The following RANBP2 variants were observed in gnomAD, a reference collection of about 807,000 sequenced individuals.
RANBP2 encodes RAN binding protein 2, also known as E3 SUMO-protein ligase RanBP2.
A neutral mutation model predicts 303.6 loss-of-function variants in RANBP2; 57 were observed. The observed-to-expected ratio is 0.19, with a 90% confidence interval of 0.15 to 0.23. The LOEUF is 0.23. Among genes scored for constraint, RANBP2 ranks in the 10% least tolerant of loss-of-function variants. The probability of loss-of-function intolerance (pLI) is 1.00; values close to 1 mark genes in which losing one functional copy is unlikely to be tolerated. For missense variants in RANBP2, 3,138 were observed against 3,780.8 expected, an observed-to-expected ratio of 0.83 and a Z score of 4.46; for synonymous variants, 1,167 against 1,301.5, an observed-to-expected ratio of 0.90 and a Z score of 2.23.
the RANBP2 span, among the ~76,000 whole-genome samples, chr2:109,486,485 T>C: frequency 6.6e-6 from 1 of 152,226 alleles, no homozygotes; most frequent in East Asian, 1.9e-4. Context: ...TCGTAAACTA[T>C]TTAATATTCA....
chr2:108,980,067 G>A, the RANBP2 span, among the ~76,000 whole-genome samples: 3 of 112,482 alleles, frequency 2.7e-5, no homozygotes, highest in African/African-American at 1.0e-4. Flanking sequence ...TTAACAGATC[G>A]CCCATCGTCA....
the RANBP2 span, among the ~76,000 whole-genome samples, chr2:109,111,089 A>G: frequency 1.3e-5 from 2 of 152,198 alleles, no homozygotes; most frequent in Admixed American, 1.3e-4. Flanking sequence ...ATGATCATCC[A>G]GTTACCTCTT....
chr2:109,131,292 A>C, the RANBP2 span, among the ~76,000 whole-genome samples: 1 of 152,038 alleles, frequency 6.6e-6, no homozygotes. Flanking sequence ...ACAGTCAAGG[A>C]TAGTCACTGG....
chr2:109,377,885 G>A, the RANBP2 span, among the ~76,000 whole-genome samples: 1 of 152,212 alleles, frequency 6.6e-6, no homozygotes, highest in African/African-American at 2.4e-5. Context: ...GTATGCTCTT[G>A]AGACGTTTGG....
the RANBP2 span, among the ~76,000 whole-genome samples, chr2:109,731,515 C>G: frequency 3.0e-4 from 45 of 152,190 alleles, no homozygotes; most frequent in Admixed American, 2.6e-4. Flanking sequence ...TTGCCTCAGC[C>G]TCCAGAGTAG....
chr2:109,575,217 G>A, the RANBP2 span, among the ~76,000 whole-genome samples: 2 of 152,284 alleles, frequency 1.3e-5, no homozygotes, highest in South Asian at 2.1e-4. Flanking sequence ...CAGACTGCTC[G>A]AAGGGGCTGG....
At chr2:109,082,426 G>A in the RANBP2 span, among the ~76,000 whole-genome samples, 1,120 of 151,700 alleles carry the variant, frequency 7.4e-3, 17 homozygotes, top group African/African-American at 0.026. Context: ...TCAGCCTCCC[G>A]AGTAGCTGGG....
At chr2:109,724,244 T>C in the RANBP2 span, among the ~76,000 whole-genome samples, 1 of 152,222 alleles carries the variant, frequency 6.6e-6, no homozygotes, top group East Asian at 1.9e-4. Context: ...TTGTCTTGGC[T>C]TCTCAGGCTC....
chr2:109,550,317 T>G, the RANBP2 span, among the ~76,000 whole-genome samples: 2 of 151,388 alleles, frequency 1.3e-5, no homozygotes, highest in African/African-American at 2.4e-5. Flanking sequence ...GTATCTTTTT[T>G]TTTTTTGTTT....
At chr2:109,747,743 CAA>C in the RANBP2 span, among the ~76,000 whole-genome samples, 14 of 113,864 alleles carry the variant, frequency 1.2e-4, no homozygotes, top group East Asian at 3.3e-4. Context: ...AACCCTGTCT[CAA>C]AAAAAAAAAA....
At chr2:109,667,925 A>G in the RANBP2 span, 1 of 195,662 alleles carries the variant, frequency 5.1e-6, no homozygotes, top group South Asian at 1.3e-4. Context: ...ACCTCAGAAG[A>G]AGCTCTTCTG....
At chr2:109,599,087 T>C in the RANBP2 span, among the ~76,000 whole-genome samples, 2 of 152,024 alleles carry the variant, frequency 1.3e-5, no homozygotes, top group Non-Finnish European at 2.9e-5. Context: ...TTAAAACAAG[T>C]AGTAACATTC....
the RANBP2 span, chr2:108,930,832 T>C: frequency 9.7e-7 from 1 of 1,030,754 alleles, no homozygotes; most frequent in Admixed American, 1.8e-5. Context: ...TGGTTTCATT[T>C]CACCCTCAGA....
chr2:109,676,528 A>C, the RANBP2 span, among the ~76,000 whole-genome samples: 1 of 152,148 alleles, frequency 6.6e-6, no homozygotes, highest in Non-Finnish European at 1.5e-5. Flanking sequence ...CTTTGCCTGC[A>C]CCCTGAGATG....
the RANBP2 span, among the ~76,000 whole-genome samples, chr2:109,319,932 G>A: frequency 6.6e-6 from 1 of 152,232 alleles, no homozygotes; most frequent in Non-Finnish European, 1.5e-5. Context: ...CCTTGCAGGG[G>A]CAAGGTGAAC....
At chr2:109,282,599 G>C in the RANBP2 span, among the ~76,000 whole-genome samples, 2 of 152,324 alleles carry the variant, frequency 1.3e-5, no homozygotes, top group East Asian at 3.9e-4. Context: ...GGCGCACAGA[G>C]CCAATGCACG....
the RANBP2 span, among the ~76,000 whole-genome samples, chr2:108,798,034 A>C: frequency 6.6e-6 from 1 of 151,172 alleles, no homozygotes; most frequent in Non-Finnish European, 1.5e-5. Context: ...CAGTGTGCTA[A>C]TCTAGACCTC....
chr2:109,047,583 T>A, the RANBP2 span, among the ~76,000 whole-genome samples: 1 of 152,030 alleles, frequency 6.6e-6, no homozygotes, highest in Non-Finnish European at 1.5e-5. Context: ...CAAAGGTGGG[T>A]GGATCACTTG....
chr2:109,272,859 C>T, the RANBP2 span, among the ~76,000 whole-genome samples: 15 of 152,188 alleles, frequency 9.9e-5, no homozygotes, highest in African/African-American at 2.2e-4. Context: ...GGTGTTCTGT[C>T]GGCAAACGTT....
Sources: gnomAD v4.1 joint callset for allele counts (sites outside exome capture counted in the v4.1 genomes callset) on GRCh38, gnomAD v4.1.1 for gene constraint, MANE v1.5 for transcripts, NCBI Gene and HGNC (gene_info 2026-07-23, HGNC 2026-07-21) for gene names.